Variants in UVRAG observed in about 807,000 individuals in gnomAD.
The protein encoded by UVRAG is UV radiation resistance-associated gene protein.
Under a neutral mutation model 78.0 loss-of-function variants are expected in UVRAG, and 19 were observed. The observed-to-expected ratio is 0.24, with a 90% CI of 0.17 to 0.36. UVRAG has a LOEUF of 0.36. UVRAG is among the 10% of genes least tolerant of loss of function. The pLI is 1.00. For missense variants in UVRAG, 740 were observed against 853.8 expected (o/e 0.87, Z 1.66); for synonymous variants, 323 against 324.6 (o/e 1.00, Z 0.05).
intron 3 of UVRAG, among the ~76,000 whole-genome samples, chr11:75,866,902 T>G (rs1481279206): frequency 6.6e-6 from 1 of 152,238 alleles, no homozygotes; most frequent in Admixed American, 6.5e-5. Context: ...AGCAATAGTC[T>G]TATGAGTTGT....
chr11:75,846,875 G>A (rs1180951665), intron 1 of UVRAG, among the ~76,000 whole-genome samples: 1 of 151,586 alleles, frequency 6.6e-6, no homozygotes, highest in Non-Finnish European at 1.5e-5. Flanking sequence ...ATAGGCTATA[G>A]TGCAGTGACA....
intron 11 of UVRAG, among the ~76,000 whole-genome samples, chr11:76,009,700 G>A (rs1006804694): frequency 4.6e-5 from 7 of 152,140 alleles, no homozygotes; most frequent in Admixed American, 6.5e-5. Flanking sequence ...TTGTTACCCT[G>A]TTGGGCCCTT....
At chr11:75,965,561 C>T (rs1410856300) in intron 7 of UVRAG, among the ~76,000 whole-genome samples, 3 of 152,124 alleles carry the variant, frequency 2.0e-5, no homozygotes, top group East Asian at 1.9e-4. Context: ...GTGGTCTGCC[C>T]GCCTTGGCCT....
chr11:75,895,649 GA>G (rs1013742979), intron 5 of UVRAG, among the ~76,000 whole-genome samples: 7 of 147,244 alleles, frequency 4.8e-5, no homozygotes, highest in East Asian at 3.9e-4. Context: ...TTTTTTAAAG[GA>G]AAAAAAAATA....
At chr11:76,133,417 T>G (rs190531425) in intron 14 of UVRAG, among the ~76,000 whole-genome samples, 1 of 152,216 alleles carries the variant, frequency 6.6e-6, no homozygotes, top group Non-Finnish European at 1.5e-5. Flanking sequence ...GTTTTCTCTT[T>G]CCCAATCTCT....
intron 13 of UVRAG, among the ~76,000 whole-genome samples, chr11:76,071,456 G>A (rs1461111495): frequency 6.6e-6 from 1 of 152,162 alleles, no homozygotes. Context: ...AAACCTCAGA[G>A]ACCACAGCAG....
intron 7 of UVRAG, among the ~76,000 whole-genome samples, chr11:75,982,948 A>G (rs1949422264): frequency 6.6e-6 from 1 of 152,176 alleles, no homozygotes; most frequent in Admixed American, 6.5e-5. Flanking sequence ...TTCGGCTATT[A>G]TGAGTAATGC....
chr11:75,972,252 T>A (rs1207289351), intron 7 of UVRAG, among the ~76,000 whole-genome samples: 1 of 152,214 alleles, frequency 6.6e-6, no homozygotes, highest in Non-Finnish European at 1.5e-5. Flanking sequence ...TCTTTTTTCA[T>A]GGATCTTGCT....
chr11:75,944,451 A>C (rs1379313648), intron 6 of UVRAG, among the ~76,000 whole-genome samples: 1 of 152,190 alleles, frequency 6.6e-6, no homozygotes, highest in Non-Finnish European at 1.5e-5. Flanking sequence ...ATGACTTGCT[A>C]TCTAGAGGGA....
intron 12 of UVRAG, among the ~76,000 whole-genome samples, chr11:76,033,245 A>G (rs1950469408): frequency 6.6e-6 from 1 of 152,208 alleles, no homozygotes; most frequent in African/African-American, 2.4e-5. Context: ...TAGCCTCAGA[A>G]TACTCTTTTG....
At chr11:76,029,126 G>T (rs2135395969) in intron 12 of UVRAG, among the ~76,000 whole-genome samples, 1 of 152,224 alleles carries the variant, frequency 6.6e-6, no homozygotes, top group Middle Eastern at 3.4e-3. Context: ...TTCTATAAAT[G>T]TAACATCAAA....
intron 13 of UVRAG, among the ~76,000 whole-genome samples, chr11:76,102,011 C>T (rs761776147): frequency 2.6e-5 from 4 of 152,072 alleles, no homozygotes; most frequent in Non-Finnish European, 4.4e-5. Context: ...AGGTGGACAG[C>T]GTGGTGTCTC....
chr11:75,888,747 C>G, intron 4 of UVRAG, 82 bp from the exon 5 acceptor site: 1 of 1,182,444 alleles, frequency 8.5e-7, no homozygotes, highest in Non-Finnish European at 1.2e-6. Context: ...GAAGTAGATC[C>G]TGTTGTAACT....
intron 3 of UVRAG, among the ~76,000 whole-genome samples, chr11:75,867,932 G>T (rs2134812351): frequency 6.6e-6 from 1 of 152,236 alleles, no homozygotes; most frequent in African/African-American, 2.4e-5. Context: ...TACTTTTAAG[G>T]GTGTGCGTGT....
At chr11:75,849,023 A>C (rs1203176046) in intron 1 of UVRAG, among the ~76,000 whole-genome samples, 1 of 152,122 alleles carries the variant, frequency 6.6e-6, no homozygotes, top group Non-Finnish European at 1.5e-5. Context: ...TACTAAAAAT[A>C]CAAAATTAGC....
At chr11:75,943,099 A>G (rs568893890) in intron 6 of UVRAG, among the ~76,000 whole-genome samples, 4 of 152,168 alleles carry the variant, frequency 2.6e-5, no homozygotes, top group African/African-American at 7.2e-5. Flanking sequence ...TCCCAATACT[A>G]TGGCAATTAA....
intron 1 of UVRAG, among the ~76,000 whole-genome samples, chr11:75,817,467 C>A (rs571121024): frequency 6.6e-6 from 1 of 152,132 alleles, no homozygotes; most frequent in Non-Finnish European, 1.5e-5. Context: ...CTTAAGTGTA[C>A]AGCTGAATGC....
chr11:75,878,914 G>A lies in UVRAG; in HGVS notation c.271-965G>A, dbSNP rs554026518. ...GGGACAGGGACAGGGAGGGGGAGGG[G>A]GAGGGAGAGGGAGAGGGAGAGGGAG... On this transcript the variant is annotated intron_variant, in intron 3 of 14. Transcript: ENST00000356136. Among the ~76,000 whole-genome samples, 5 of 141,840 alleles carry A rather than the reference G, an allele frequency of 3.5e-5. No individual in the cohort carries two copies. In the East Asian group the frequency reaches 6.0e-4, roughly 17 times the overall value. 93.1% of individuals were successfully genotyped at this position (141,840 alleles called of 152,430 possible). A position where few individuals can be genotyped will look rare whatever the true frequency, so the allele number is the denominator to read the frequency against.
chr11:75,920,163 C>A (rs897131910), intron 6 of UVRAG, among the ~76,000 whole-genome samples: 4 of 151,130 alleles, frequency 2.6e-5, no homozygotes. Context: ...GTAGCTGGGA[C>A]TACAGGCACG....
Sources: allele counts gnomAD v4.1 joint callset (sites outside exome capture counted in the v4.1 genomes callset), GRCh38; gene constraint gnomAD v4.1.1; transcripts MANE v1.5; gene names NCBI Gene and HGNC (gene_info 2026-07-23, HGNC 2026-07-21).